RANBP2: variants seen among roughly 807,000 people sequenced by gnomAD.
The protein encoded by RANBP2 is RAN binding protein 2, also known as E3 SUMO-protein ligase RanBP2.
A neutral mutation model predicts 303.6 loss-of-function variants in RANBP2; 57 were observed. The ratio of observed to expected loss-of-function variants is 0.19; its 90% CI spans 0.15 to 0.23. RANBP2 has a LOEUF of 0.23. RANBP2 is among the 10% of genes least tolerant of loss of function. The probability of loss-of-function intolerance (pLI) is 1.00; values close to 1 mark genes in which losing one functional copy is unlikely to be tolerated. For missense variants in RANBP2, 3,138 were observed against 3,780.8 expected, an observed-to-expected ratio of 0.83 and a Z score of 4.46; for synonymous variants, 1,167 against 1,301.5, an observed-to-expected ratio of 0.90 and a Z score of 2.23.
the RANBP2 span, among the ~76,000 whole-genome samples, chr2:109,007,058 CT>C: frequency 2.6e-5 from 4 of 152,188 alleles, no homozygotes; most frequent in Non-Finnish European, 4.4e-5. Flanking sequence ...ACTCTGATTG[CT>C]TCAAGGTGTC....
chr2:109,650,357 G>A, the RANBP2 span, among the ~76,000 whole-genome samples: 1 of 152,212 alleles, frequency 6.6e-6, no homozygotes, highest in Non-Finnish European at 1.5e-5. Context: ...AAGACAAAAA[G>A]TGGAGGTGAA....
At chr2:108,934,110 C>T in the RANBP2 span, among the ~76,000 whole-genome samples, 1 of 152,098 alleles carries the variant, frequency 6.6e-6, no homozygotes, top group Non-Finnish European at 1.5e-5. Context: ...TATCGAAAGG[C>T]GCAATTAAAA....
the RANBP2 span, among the ~76,000 whole-genome samples, chr2:109,399,491 A>T: frequency 1.9e-3 from 289 of 152,056 alleles, 1 homozygote; most frequent in African/African-American, 6.5e-3. Context: ...CAAAGTATTT[A>T]AAGGCTGGGC....
chr2:108,916,006 C>G, the RANBP2 span, among the ~76,000 whole-genome samples: 1 of 152,204 alleles, frequency 6.6e-6, no homozygotes, highest in Admixed American at 6.5e-5. Context: ...TTCCCCCTCA[C>G]AGACCTTACT....
the RANBP2 span, among the ~76,000 whole-genome samples, chr2:109,556,536 T>C: frequency 6.6e-6 from 1 of 152,144 alleles, no homozygotes; most frequent in African/African-American, 2.4e-5. Context: ...TCCTAAACAC[T>C]TGCAGAAACC....
At chr2:109,299,986 C>T in the RANBP2 span, among the ~76,000 whole-genome samples, 3 of 152,166 alleles carry the variant, frequency 2.0e-5, no homozygotes, top group African/African-American at 7.2e-5. Context: ...TTATTTATTT[C>T]GCTCTTTCTT....
the RANBP2 span, among the ~76,000 whole-genome samples, chr2:109,249,519 T>TTCTTTCTTTCTTTTTC: frequency 3.2e-5 from 2 of 61,898 alleles, no homozygotes; most frequent in African/African-American, 6.2e-5. Flanking sequence ...CATTCTTTCT[T>TTCTTTCTTTCTTTTTC]TTTCTTTCTT....
At chr2:109,371,525 C>A in the RANBP2 span, 1 of 1,456,418 alleles carries the variant, frequency 6.9e-7, no homozygotes, top group Non-Finnish European at 9.6e-7. Context: ...CAGTGTCTTG[C>A]TTCCTTTTTC....
the RANBP2 span, among the ~76,000 whole-genome samples, chr2:109,357,990 C>T: frequency 6.6e-6 from 1 of 152,152 alleles, no homozygotes. Flanking sequence ...ATGTATCTAC[C>T]ATTATAGGCC....
chr2:109,441,345 T>G, the RANBP2 span, among the ~76,000 whole-genome samples: 1 of 152,090 alleles, frequency 6.6e-6, no homozygotes, highest in Non-Finnish European at 1.5e-5. Context: ...GAAAGTTAAG[T>G]AGAGACATAA....
the RANBP2 span, among the ~76,000 whole-genome samples, chr2:109,481,632 G>A: frequency 3.3e-5 from 5 of 152,208 alleles, no homozygotes; most frequent in Admixed American, 6.5e-5. Context: ...TGTGCTAATA[G>A]GAAACCAAAG....
chr2:109,688,376 C>T, the RANBP2 span, among the ~76,000 whole-genome samples: 1 of 152,128 alleles, frequency 6.6e-6, no homozygotes, highest in African/African-American at 2.4e-5. Flanking sequence ...AACACTTGTC[C>T]TTCCTGGGCA....
At chr2:109,569,904 A>G in the RANBP2 span, among the ~76,000 whole-genome samples, 2 of 152,094 alleles carry the variant, frequency 1.3e-5, no homozygotes, top group Non-Finnish European at 2.9e-5. Context: ...TTAGTAACAG[A>G]AAACAACTAT....
the RANBP2 span, among the ~76,000 whole-genome samples, chr2:109,495,978 T>G: frequency 1.3e-5 from 2 of 152,366 alleles, no homozygotes; most frequent in Middle Eastern, 6.8e-3. Context: ...GTGGTCTCAC[T>G]GACTTCAAGA....
the RANBP2 span, among the ~76,000 whole-genome samples, chr2:108,858,726 G>T: frequency 1.3e-5 from 2 of 151,502 alleles, no homozygotes; most frequent in South Asian, 4.2e-4. Context: ...TTAGATTTAG[G>T]GGGTACATGT....
the RANBP2 span, among the ~76,000 whole-genome samples, chr2:108,800,316 G>A: frequency 6.6e-6 from 1 of 152,176 alleles, no homozygotes; most frequent in Non-Finnish European, 1.5e-5. Flanking sequence ...CCAGGCTGGA[G>A]TACAGTGGCA....
chr2:109,667,151 G>A, the RANBP2 span: 5 of 1,305,530 alleles, frequency 3.8e-6, no homozygotes, highest in Non-Finnish European at 5.5e-6. Flanking sequence ...TGAGGCATAA[G>A]AAACATTTTA....
the RANBP2 span, among the ~76,000 whole-genome samples, chr2:109,591,553 C>CAAG: frequency 3.9e-5 from 6 of 152,258 alleles, 1 homozygote; most frequent in African/African-American, 1.4e-4. Flanking sequence ...GAGGGAAAAA[C>CAAG]AAGAGACTAC....
chr2:109,383,106 A>C, the RANBP2 span, among the ~76,000 whole-genome samples: 1 of 152,186 alleles, frequency 6.6e-6, no homozygotes, highest in South Asian at 2.1e-4. Flanking sequence ...GCTCCGAGGC[A>C]CTTGTCCCCA....
Sources: gnomAD v4.1 joint callset for allele counts (sites outside exome capture counted in the v4.1 genomes callset) on GRCh38, gnomAD v4.1.1 for gene constraint, MANE v1.5 for transcripts, NCBI Gene and HGNC (gene_info 2026-07-23, HGNC 2026-07-21) for gene names.